Variants in GNB1 observed in about 807,000 individuals in gnomAD.
GNB1 encodes G protein subunit beta 1, also known as guanine nucleotide-binding protein G(I)/G(S)/G(T) subunit beta-1.
In GNB1, 2 loss-of-function variants were observed where a neutral mutation model predicts 42.9. The observed-to-expected ratio is 0.05, with a 90% CI of 0.02 to 0.15. GNB1 has a LOEUF of 0.15. Ranked by LOEUF, GNB1 falls within the 10% of genes least tolerant of loss-of-function variation. The pLI is 1.00. For missense variants in GNB1, 193 were observed against 462.2 expected (o/e 0.42, Z 5.34); for synonymous variants, 183 against 174.7 (o/e 1.05, Z -0.38).
At chr1:1,800,762 A>G (rs1197838034) in intron 7 of GNB1, among the ~76,000 whole-genome samples, 1 of 151,868 alleles carries the variant, frequency 6.6e-6, no homozygotes, top group African/African-American at 2.4e-5. Flanking sequence ...TTAAAAAAAA[A>G]AAAAAAAAAG....
At chr1:1,863,888 T>C (rs920950318) in intron 1 of GNB1, among the ~76,000 whole-genome samples, 4 of 152,194 alleles carry the variant, frequency 2.6e-5, no homozygotes. Flanking sequence ...GAGGTGGTGT[T>C]GCACAGTGAC....
intron 2 of GNB1, among the ~76,000 whole-genome samples, chr1:1,834,858 C>T (rs928443118): frequency 2.6e-5 from 4 of 151,828 alleles, no homozygotes; most frequent in Non-Finnish European, 5.9e-5. Flanking sequence ...TTATTAGAGA[C>T]GGGGTTTCAC....
intron 1 of GNB1, among the ~76,000 whole-genome samples, chr1:1,856,497 A>G (rs1648305809): frequency 6.6e-6 from 1 of 151,886 alleles, no homozygotes; most frequent in Non-Finnish European, 1.5e-5. Flanking sequence ...GCCTGATCTC[A>G]GCTCACTGCA....
At chr1:1,831,563 C>T (rs1647076290) in intron 2 of GNB1, among the ~76,000 whole-genome samples, 2 of 151,948 alleles carry the variant, frequency 1.3e-5, no homozygotes, top group Non-Finnish European at 1.5e-5. Context: ...ATTCTCCTTC[C>T]TCAGCTTCCC....
chr1:1,878,136 C>G (rs552420124), intron 1 of GNB1, among the ~76,000 whole-genome samples: 1 of 152,318 alleles, frequency 6.6e-6, no homozygotes, highest in South Asian at 2.1e-4. Flanking sequence ...CAGCACCTAT[C>G]AGAGCTGATG....
At chr1:1,816,881 C>T (rs1646864654) in intron 4 of GNB1, among the ~76,000 whole-genome samples, 1 of 152,080 alleles carries the variant, frequency 6.6e-6, no homozygotes, top group Non-Finnish European at 1.5e-5. Context: ...CTCCTGACCT[C>T]AAGTGATCCA....
intron 1 of GNB1, among the ~76,000 whole-genome samples, chr1:1,849,349 G>A (rs1647855565): frequency 2.0e-5 from 3 of 152,298 alleles, no homozygotes; most frequent in East Asian, 1.9e-4. Flanking sequence ...ACTTCTGCCT[G>A]AAGAACTTCC....
At chr1:1,821,667 A>G (rs755637518) in intron 3 of GNB1, among the ~76,000 whole-genome samples, 7 of 152,220 alleles carry the variant, frequency 4.6e-5, no homozygotes, top group Non-Finnish European at 8.8e-5. Context: ...TCGGAGACAA[A>G]GCAGCTAGGC....
At chr1:1,863,669 G>A (rs554681542) in intron 1 of GNB1, among the ~76,000 whole-genome samples, 1 of 152,298 alleles carries the variant, frequency 6.6e-6, no homozygotes, top group African/African-American at 2.4e-5. Context: ...AGCTCATTTT[G>A]AGATCTTCTC....
chr1:1,889,134 T>C (rs538271796), intron 1 of GNB1, among the ~76,000 whole-genome samples: 30 of 152,346 alleles, frequency 2.0e-4, no homozygotes, highest in South Asian at 2.1e-4. Context: ...AAATAACTTA[T>C]GCAAAAACCT....
intron 7 of GNB1, among the ~76,000 whole-genome samples, chr1:1,803,444 T>C (rs1453515980): frequency 6.6e-6 from 1 of 152,152 alleles, no homozygotes; most frequent in African/African-American, 2.4e-5. Flanking sequence ...CCACTGTGCG[T>C]GGCTGTTTTT....
intron 5 of GNB1, among the ~76,000 whole-genome samples, chr1:1,812,669 G>A (rs922810727): frequency 6.6e-6 from 1 of 152,164 alleles, no homozygotes; most frequent in Non-Finnish European, 1.5e-5. Flanking sequence ...ACTGAAGACC[G>A]CCTTGCTCAC....
Position 1,790,384 on chromosome 1 carries a change from C to G in GNB1, c.699+11G>C. On this transcript the variant is annotated intron_variant, in intron 9 of 11. Coordinates refer to ENST00000378609, the MANE Select transcript of GNB1 (RefSeq NM_002074.5). The surrounding 1 kb of genome is among the most constrained non-coding windows in gnomAD (Gnocchi z 5.4). ...CAGAGGACCCGACCCCACACCTCCA[C>G]CCAGACTCACGCAAATGGCATTGAT... 6.2e-7 allele frequency: 1 copy of G among 1,602,690 alleles called. No homozygotes were observed. The highest frequency in any genetic ancestry group is 2.2e-5 in the East Asian group (1 of 44,824).
intron 7 of GNB1, among the ~76,000 whole-genome samples, chr1:1,800,924 C>T (rs1184256234): frequency 6.6e-6 from 1 of 152,240 alleles, no homozygotes; most frequent in Non-Finnish European, 1.5e-5. Context: ...ATGACTTGTT[C>T]CGGGTAGGGC....
intron 1 of GNB1, among the ~76,000 whole-genome samples, chr1:1,883,816 C>A (rs1649990432): frequency 6.6e-6 from 1 of 152,200 alleles, no homozygotes; most frequent in African/African-American, 2.4e-5. Context: ...CTGAGCTGGG[C>A]TCTAACTCAG....
At chr1:1,881,539 G>A (rs1649847569) in intron 1 of GNB1, among the ~76,000 whole-genome samples, 1 of 151,972 alleles carries the variant, frequency 6.6e-6, no homozygotes, top group South Asian at 2.1e-4. Context: ...GAGTAGCTGA[G>A]AATACAGGTG....
In GNB1 at chr1:1,864,422, T is replaced by C. The variant is rs575457010; in HGVS notation, c.-95-25184A>G. 6.7e-5 allele frequency among the ~76,000 whole-genome samples: 10 copies of C among 150,228 alleles called. No individual in the cohort carries two copies. In the East Asian group the frequency reaches 1.4e-3, roughly 21 times the overall value. Reference sequence around the variant, plus strand: ...GCGTGGCAACTTCTGGCTCATAGCATAGGGCCTAGTACACAGTAGGTAGTT... The same window carrying C: ...GCGTGGCAACTTCTGGCTCATAGCACAGGGCCTAGTACACAGTAGGTAGTT... On this transcript the variant is annotated intron_variant, in intron 1 of 11. Coordinates refer to ENST00000378609, the MANE Select transcript of GNB1 (RefSeq NM_002074.5).
chr1:1,819,855 T>G (rs904981290), intron 3 of GNB1, among the ~76,000 whole-genome samples: 4 of 152,060 alleles, frequency 2.6e-5, no homozygotes, highest in East Asian at 3.9e-4. Flanking sequence ...CACTTTCTAG[T>G]AAGAAAAATG....
At chr1:1,798,949 T>C (rs1326343376) in intron 7 of GNB1, among the ~76,000 whole-genome samples, 2 of 146,050 alleles carry the variant, frequency 1.4e-5, no homozygotes, top group Non-Finnish European at 3.0e-5. Context: ...TGAGACGGAG[T>C]CTCGCTGTCG....
Sources: gnomAD v4.1 joint callset for allele counts (sites outside exome capture counted in the v4.1 genomes callset) on GRCh38, gnomAD v4.1.1 for gene constraint, Gnocchi (gnomAD v3.1) non-coding constraint, MANE v1.5 for transcripts, NCBI Gene and HGNC (gene_info 2026-07-23, HGNC 2026-07-21) for gene names.